Variants in NEK10 observed in about 807,000 individuals in gnomAD.
The protein encoded by NEK10 is serine/threonine-protein kinase Nek10.
A neutral mutation model predicts 159.8 loss-of-function variants in NEK10; 122 were observed. The observed-to-expected ratio is 0.76, with a 90% CI of 0.66 to 0.89. The LOEUF (loss-of-function observed/expected upper bound fraction) is 0.89, where lower values mean the gene tolerates loss of function less well. NEK10 is among the 40% of genes least tolerant of loss of function. The pLI is 0.00. For missense variants in NEK10, 1,342 were observed against 1,323.1 expected (o/e 1.01, Z -0.22); for synonymous variants, 466 against 457.1 (o/e 1.02, Z -0.25).
chr3:27,198,276 A>AT (rs1949732589), intron 25 of NEK10, among the ~76,000 whole-genome samples: 2 of 151,066 alleles, frequency 1.3e-5, no homozygotes, highest in African/African-American at 4.9e-5. Flanking sequence ...TAAAAAAAGG[A>AT]TTTTAAATTT....
chr3:27,199,072 CAA>C (rs35333904), intron 25 of NEK10, among the ~76,000 whole-genome samples: 13 of 77,756 alleles, frequency 1.7e-4, no homozygotes, highest in African/African-American at 2.4e-4. Flanking sequence ...GACTCCATCT[CAA>C]AAAAAAAAAA....
chr3:27,170,385 A>G (rs1160612330), intron 29 of NEK10, among the ~76,000 whole-genome samples: 1 of 152,152 alleles, frequency 6.6e-6, no homozygotes, highest in Non-Finnish European at 1.5e-5. Context: ...ATACTCCACA[A>G]ATCTAGACAG....
intron 5 of NEK10, among the ~76,000 whole-genome samples, chr3:27,342,123 C>T (rs901879511): frequency 1.3e-5 from 2 of 152,122 alleles, no homozygotes. Context: ...TTTAATTTCA[C>T]CCTCCTGTCC....
intron 26 of NEK10, among the ~76,000 whole-genome samples, chr3:27,183,353 C>CTTAA (rs778756637): frequency 6.8e-6 from 1 of 147,192 alleles, no homozygotes; most frequent in Non-Finnish European, 1.5e-5. Flanking sequence ...AAAGACTAGA[C>CTTAA]ATTTAAAGAA....
intron 5 of NEK10, among the ~76,000 whole-genome samples, chr3:27,331,243 A>G (rs2046376577): frequency 1.6e-5 from 2 of 122,814 alleles, no homozygotes; most frequent in South Asian, 3.2e-4. Context: ...GTCTCAAAAA[A>G]AAAAAAACAA....
intron 13 of NEK10, among the ~76,000 whole-genome samples, chr3:27,298,575 A>C (rs2043550366): frequency 6.6e-6 from 1 of 152,182 alleles, no homozygotes. Flanking sequence ...TGTGAAAGTG[A>C]CTTTGGAACT....
rs1291729313 is a variant in NEK10 at position 27,264,878 on chromosome 3, G to A, written c.2015-8507C>T. On this transcript the variant is annotated intron_variant, in intron 22 of 35. Coordinates refer to ENST00000691995, the MANE Select transcript of NEK10 (RefSeq NM_001394966.1). ...CACTGCACTCCAGCCTGGGCAACATGAGCGAAAATCAGTCTAAATAAATAA... is the reference window on the plus strand; with the variant it reads ...CACTGCACTCCAGCCTGGGCAACATAAGCGAAAATCAGTCTAAATAAATAA... 7.4e-5 allele frequency among the ~76,000 whole-genome samples: 11 copies of A among 148,928 alleles called. No homozygotes were observed. The Admixed American group carries it at 7.4e-4, about 10-fold the overall frequency.
intron 30 of NEK10, among the ~76,000 whole-genome samples, chr3:27,153,597 A>G (rs1945108997): frequency 6.6e-6 from 1 of 152,208 alleles, no homozygotes; most frequent in Non-Finnish European, 1.5e-5. Flanking sequence ...TTGAAATTAT[A>G]TCAAGCACTC....
chr3:27,232,088 T>C (rs891356651), intron 23 of NEK10, among the ~76,000 whole-genome samples: 4 of 151,740 alleles, frequency 2.6e-5, no homozygotes, highest in Non-Finnish European at 4.4e-5. Flanking sequence ...AACTTCTCAA[T>C]AAAATACTAG....
At chr3:27,361,418 A>G (rs964616635) in intron 1 of NEK10, among the ~76,000 whole-genome samples, 7 of 152,270 alleles carry the variant, frequency 4.6e-5, no homozygotes, top group Admixed American at 2.0e-4. Context: ...ATGTGAAGGA[A>G]GAATTTATAT....
intron 26 of NEK10, among the ~76,000 whole-genome samples, chr3:27,180,994 A>T (rs1161427547): frequency 6.6e-6 from 1 of 152,082 alleles, no homozygotes; most frequent in Non-Finnish European, 1.5e-5. Context: ...CTGGACACAC[A>T]GGCCTCCTTG....
At chr3:27,199,648 C>T (rs936760252) in intron 25 of NEK10, among the ~76,000 whole-genome samples, 6 of 152,192 alleles carry the variant, frequency 3.9e-5, no homozygotes, top group Admixed American at 3.3e-4. Flanking sequence ...ATCATAAAAA[C>T]ACATGCACAC....
At chr3:27,278,681 T>G in intron 22 of NEK10, 1 of 982,816 alleles carries the variant, frequency 1.0e-6, no homozygotes, top group South Asian at 4.7e-5. Flanking sequence ...GTTTTGTTTT[T>G]TCTTTTCCTT....
intron 5 of NEK10, among the ~76,000 whole-genome samples, chr3:27,322,653 TA>T (rs2149665254): frequency 6.6e-6 from 1 of 152,366 alleles, no homozygotes; most frequent in African/African-American, 2.4e-5. Flanking sequence ...ATTATTTTCA[TA>T]ACCACACTTA....
intron 23 of NEK10, among the ~76,000 whole-genome samples, chr3:27,236,085 T>C (rs562050942): frequency 1.8e-4 from 28 of 151,852 alleles, no homozygotes; most frequent in African/African-American, 5.8e-4. Context: ...TACTTATAAG[T>C]GGGAGCTAAA....
intron 26 of NEK10, among the ~76,000 whole-genome samples, chr3:27,183,686 C>A (rs1042043845): frequency 6.6e-6 from 1 of 151,998 alleles, no homozygotes; most frequent in Non-Finnish European, 1.5e-5. Flanking sequence ...ATATGTTTGA[C>A]AATAGGCTCA....
intron 30 of NEK10, among the ~76,000 whole-genome samples, chr3:27,145,442 G>A (rs1012113173): frequency 2.0e-5 from 3 of 152,022 alleles, no homozygotes; most frequent in South Asian, 2.1e-4. Flanking sequence ...AGGAAACTAC[G>A]AAATTTCTTA....
chr3:27,190,471 C>A (rs1309747911), intron 26 of NEK10, among the ~76,000 whole-genome samples: 1 of 152,054 alleles, frequency 6.6e-6, no homozygotes, highest in African/African-American at 2.4e-5. Flanking sequence ...CATTTATAAA[C>A]GTTTGAAGTT....
chr3:27,253,435 T>C (rs1471765325), intron 23 of NEK10, among the ~76,000 whole-genome samples: 1 of 152,124 alleles, frequency 6.6e-6, no homozygotes, highest in African/African-American at 2.4e-5. Flanking sequence ...TATTTGGATA[T>C]TTTTTTCCCT....
Sources: allele counts gnomAD v4.1 joint callset (sites outside exome capture counted in the v4.1 genomes callset), GRCh38; gene constraint gnomAD v4.1.1; transcripts MANE v1.5; gene names NCBI Gene and HGNC (gene_info 2026-07-23, HGNC 2026-07-21).